Variants in PDS5B observed in about 807,000 individuals in gnomAD.
PDS5B encodes the protein sister chromatid cohesion protein PDS5 homolog B.
PDS5B carries 51 observed loss-of-function variants against 184.1 expected under a neutral mutation model. The ratio of observed to expected loss-of-function variants is 0.28; its 90% CI spans 0.22 to 0.35. PDS5B has a LOEUF of 0.35. Ranked by LOEUF, PDS5B falls within the 10% of genes least tolerant of loss-of-function variation. PDS5B has a pLI of 1.00. For missense variants in PDS5B, 1,180 were observed against 1,723.3 expected, an observed-to-expected ratio of 0.68 and a Z score of 5.58; for synonymous variants, 566 against 569.2, an observed-to-expected ratio of 0.99 and a Z score of 0.08.
At chr13:32,625,841 T>C (rs2058363250) in intron 1 of PDS5B, among the ~76,000 whole-genome samples, 1 of 148,034 alleles carries the variant, frequency 6.8e-6, no homozygotes, top group Non-Finnish European at 1.5e-5. Context: ...CAGTATTCTT[T>C]TTTTTTTTTT....
At chr13:32,749,252 A>G (rs988142519) in intron 24 of PDS5B, among the ~76,000 whole-genome samples, 1 of 151,990 alleles carries the variant, frequency 6.6e-6, no homozygotes, top group African/African-American at 2.4e-5. Context: ...ATTTCCACAC[A>G]TCCAACCTAA....
chr13:32,720,526 G>A (rs532862647), intron 19 of PDS5B, among the ~76,000 whole-genome samples: 150 of 152,232 alleles, frequency 9.9e-4, no homozygotes, highest in African/African-American at 3.5e-3. Flanking sequence ...GTTGGTTAAC[G>A]ATAGACCAGA....
At chr13:32,629,264 T>A (rs1293331615) in intron 1 of PDS5B, among the ~76,000 whole-genome samples, 1 of 152,222 alleles carries the variant, frequency 6.6e-6, no homozygotes, top group Non-Finnish European at 1.5e-5. Flanking sequence ...GTTCGATTTT[T>A]TTTTTTTAAC....
chr13:32,751,084 A>C lies in PDS5B; in HGVS notation c.2737-2248A>C, dbSNP rs534175123. ...GTCTGTTCTTCTCTTCTTTGTGTTC[A>C]TGTGTACTCAATGTTTAGCTCCCAC... On this transcript the variant is annotated intron_variant, in intron 24 of 34. Coordinates refer to ENST00000315596, the MANE Select transcript of PDS5B (RefSeq NM_015032.4). Among the ~76,000 whole-genome samples the C allele has an allele frequency of 3.3e-5, 5 of 152,160 alleles. No individual in the cohort carries two copies. The East Asian group carries it at 9.7e-4, about 29-fold the overall frequency.
In PDS5B at chr13:32,631,114, C is replaced by CTTTTTTTT. The variant is rs766844209; in HGVS notation, c.-19-17637_-19-17636insTTTTTTTT. Among the ~76,000 whole-genome samples the CTTTTTTTT allele has an allele frequency of 2.2e-4, 27 of 123,736 alleles. 2 individuals are homozygous for CTTTTTTTT. Among genetic ancestry groups the CTTTTTTTT allele is most frequent in the Admixed American group, 3.4e-4 (4 of 11,872 alleles). The allele number at this position is 123,736 out of a possible 152,430, so 81.2% of individuals were successfully genotyped here. A position where few individuals can be genotyped will look rare whatever the true frequency, so the allele number is the denominator to read the frequency against. On this transcript the variant is annotated intron_variant, in intron 1 of 34. Transcript: ENST00000315596. ...GGCCATCTCTATTGATTCTTTTTTT[C>CTTTTTTTT]TTTCTTTTTTTTTTTTTTTGAGATG... is the stretch of plus-strand genomic sequence containing the variant.
intron 11 of PDS5B, 61 bp from the exon 12 acceptor site, chr13:32,687,073 T>C (rs952596671): frequency 3.7e-6 from 5 of 1,339,934 alleles, no homozygotes; most frequent in Non-Finnish European, 4.1e-6. Context: ...GAAACTAGAC[T>C]TTCCTTAATT....
At chr13:32,663,632 C>G (rs1593369383) in intron 6 of PDS5B, among the ~76,000 whole-genome samples, 2 of 152,142 alleles carry the variant, frequency 1.3e-5, no homozygotes, top group East Asian at 3.8e-4. Context: ...GAAGCATTCT[C>G]TTTGATGTGA....
intron 16 of PDS5B, among the ~76,000 whole-genome samples, chr13:32,700,339 C>T (rs1951832032): frequency 6.6e-6 from 1 of 152,064 alleles, no homozygotes; most frequent in African/African-American, 2.4e-5. Context: ...GCAAATTGTT[C>T]TCCAGAACTG....
chr13:32,713,141 G>C (rs2140900344), intron 19 of PDS5B, among the ~76,000 whole-genome samples: 1 of 152,260 alleles, frequency 6.6e-6, no homozygotes, highest in East Asian at 1.9e-4. Flanking sequence ...ATTACACAGA[G>C]AAAAAGGACT....
chr13:32,592,358 C>T (rs754058283), intron 1 of PDS5B, among the ~76,000 whole-genome samples: 9 of 151,856 alleles, frequency 5.9e-5, no homozygotes, highest in South Asian at 2.1e-4. Flanking sequence ...CAGGTTCAGG[C>T]GATTCTCCTG....
At position 32,776,357 on chromosome 13, in the gene PDS5B, T is replaced by C. The variant is rs548443095; in HGVS notation, c.*1305T>C. On this transcript the variant is annotated 3_prime_UTR_variant, in exon 35 of 35. Transcript: ENST00000315596. ...GTAGTTGTCACAGTCTTGTGAACTT[T>C]GAATGAAATTCCACTTTGTCCAGAT... The C allele has an allele frequency of 3.9e-5, 6 of 152,658 alleles. No homozygotes were observed. Among genetic ancestry groups the C allele is most frequent in the African/African-American group, 1.4e-4 (6 of 41,576 alleles). The allele number at this position is 152,658 out of a possible 1,614,324, so 9.5% of individuals were successfully genotyped here.
chr13:32,720,965 G>A (rs1386901183), intron 19 of PDS5B, among the ~76,000 whole-genome samples: 1 of 152,110 alleles, frequency 6.6e-6, no homozygotes, highest in Non-Finnish European at 1.5e-5. Context: ...TGGGGGTAAG[G>A]TTATAGATTA....
At chr13:32,630,482 T>G (rs1284408755) in intron 1 of PDS5B, among the ~76,000 whole-genome samples, 1 of 152,152 alleles carries the variant, frequency 6.6e-6, no homozygotes, top group Non-Finnish European at 1.5e-5. Flanking sequence ...GACCTCCACT[T>G]GCAATAAAGA....
Position 32,735,323 on chromosome 13 carries a change from A to G in PDS5B, c.2399A>G (p.Asn800Ser). 1 of 1,603,832 alleles carries G rather than the reference A, an allele frequency of 6.2e-7. No homozygotes were observed. Among genetic ancestry groups the G allele is most frequent in the East Asian group, 2.2e-5 (1 of 44,714 alleles). Residue 800 changes from asparagine (N) to serine (S), a missense_variant, in exon 21 of 35, where the codon AAT becomes AGT. Asn to Ser is a conservative substitution (Grantham distance 46, BLOSUM62 1). Transcript: ENST00000315596. Reference sequence around the variant, plus strand: ...TTCATTGTGAAAGATCTTCTCATGAATGATCGGGTAATTTATATTTTTTAG... The same window carrying G: ...TTCATTGTGAAAGATCTTCTCATGAGTGATCGGGTAATTTATATTTTTTAG... Reference protein sequence around the residue: ...ATFIVKDLLMNDRLPGKKTTK... With the variant: ...ATFIVKDLLMSDRLPGKKTTK...
At chr13:32,638,823 G>T (rs1268753369) in intron 1 of PDS5B, among the ~76,000 whole-genome samples, 2 of 152,004 alleles carry the variant, frequency 1.3e-5, no homozygotes, top group Admixed American at 6.6e-5. Flanking sequence ...AGGGAGGGAA[G>T]GAAGGAATGG....
intron 33 of PDS5B, among the ~76,000 whole-genome samples, chr13:32,771,552 A>G (rs972366378): frequency 9.9e-5 from 15 of 152,110 alleles, no homozygotes; most frequent in African/African-American, 1.4e-4. Context: ...AGAGTTGCCA[A>G]TGTACTGTCA....
chr13:32,658,973 A>G (rs1486139535), intron 5 of PDS5B, among the ~76,000 whole-genome samples, 181 bp from the exon 6 acceptor site: 1 of 152,190 alleles, frequency 6.6e-6, no homozygotes, highest in East Asian at 1.9e-4. Flanking sequence ...GTAGTGTAAA[A>G]ATATAATTTG....
At chr13:32,773,052 A>G (rs1954842533) in intron 33 of PDS5B, 137 bp from the exon 34 acceptor site, 1 of 671,168 alleles carries the variant, frequency 1.5e-6, no homozygotes, top group Non-Finnish European at 2.4e-6. Context: ...TCAGAATATT[A>G]AAGAAATGTT....
At position 32,770,177 on chromosome 13, in the gene PDS5B, G is replaced by A. The variant is rs771899010; in HGVS notation, c.3681G>A (p.Glu1227=). ...RKKTPVTEQE[E]KLGMDDLTKL... ...AAACGCCCGTCACAGAACAGGAGGA[G>A]AAATTAGGTATGGATGACTTGACTA... The change falls in exon 32 of 35, where the codon GAG becomes GAA. Residue 1227 remains glutamate (E), a synonymous_variant. Coordinates refer to ENST00000315596, the MANE Select transcript of PDS5B (RefSeq NM_015032.4). The A allele has an allele frequency of 4.3e-6, 7 of 1,613,890 alleles. No individual in the cohort carries two copies. Among genetic ancestry groups the A allele is most frequent in the Non-Finnish European group, 5.9e-6 (7 of 1,179,960 alleles).
Sources: allele counts gnomAD v4.1 joint callset (sites outside exome capture counted in the v4.1 genomes callset), GRCh38; gene constraint gnomAD v4.1.1; transcripts MANE v1.5; gene names NCBI Gene and HGNC (gene_info 2026-07-23, HGNC 2026-07-21).